Variants in ROBO1 observed in about 807,000 individuals in gnomAD.
ROBO1 encodes the protein roundabout homolog 1.
Under a neutral mutation model 195.9 loss-of-function variants are expected in ROBO1, and 149 were observed. That is an observed-to-expected ratio of 0.76 (90% CI 0.67 to 0.87). ROBO1 has a LOEUF of 0.87. Among genes scored for constraint, ROBO1 ranks in the 40% least tolerant of loss-of-function variants. The pLI is 0.00. For missense variants in ROBO1, 1,933 were observed against 2,068.3 expected (o/e 0.93, Z 1.27); for synonymous variants, 816 against 733.2 (o/e 1.11, Z -1.82).
intron 3 of ROBO1, among the ~76,000 whole-genome samples, chr3:79,036,622 T>C (rs954044225): frequency 6.6e-6 from 1 of 152,084 alleles, no homozygotes; most frequent in African/African-American, 2.4e-5. Flanking sequence ...AATACAAGCA[T>C]AGTAAAATTA....
At chr3:79,070,657 A>G (rs1317715737) in intron 3 of ROBO1, among the ~76,000 whole-genome samples, 3 of 151,712 alleles carry the variant, frequency 2.0e-5, no homozygotes, top group Admixed American at 6.6e-5. Context: ...TGTTTATGTA[A>G]TATGTAACTA....
intron 1 of ROBO1, among the ~76,000 whole-genome samples, chr3:79,637,630 A>T (rs1945534934): frequency 6.6e-6 from 1 of 152,128 alleles, no homozygotes; most frequent in African/African-American, 2.4e-5. Flanking sequence ...TTATCTTCAG[A>T]TGATACGTTT....
chr3:79,092,853 C>G (rs2079504072), intron 3 of ROBO1, among the ~76,000 whole-genome samples: 1 of 152,040 alleles, frequency 6.6e-6, no homozygotes, highest in Admixed American at 6.6e-5. Context: ...ACCAGATTAT[C>G]TTATGTCATA....
intron 2 of ROBO1, among the ~76,000 whole-genome samples, chr3:79,397,024 T>C (rs1575770798): frequency 6.6e-6 from 1 of 152,218 alleles, no homozygotes; most frequent in East Asian, 1.9e-4. Context: ...CTATATTTAG[T>C]CTATCTGTCA....
intron 29 of ROBO1, among the ~76,000 whole-genome samples, 189 bp downstream of exon 29, chr3:78,606,544 G>T (rs1199475459): frequency 6.6e-6 from 1 of 152,116 alleles, no homozygotes; most frequent in Non-Finnish European, 1.5e-5. Context: ...CACCTCTCCA[G>T]GTGATGTTGA....
chr3:79,145,863 T>C (rs1442174052), intron 2 of ROBO1, among the ~76,000 whole-genome samples: 1 of 151,956 alleles, frequency 6.6e-6, no homozygotes, highest in African/African-American at 2.4e-5. Context: ...ATCTTTACAG[T>C]GTTCTTTGAG....
chr3:78,709,629 TG>T (rs1315639269), intron 8 of ROBO1, among the ~76,000 whole-genome samples: 1 of 152,210 alleles, frequency 6.6e-6, no homozygotes, highest in Non-Finnish European at 1.5e-5. Context: ...CAGGTTTTAG[TG>T]GTGCAATTAC....
chr3:79,508,832 T>G (rs1940548690), intron 2 of ROBO1, among the ~76,000 whole-genome samples: 1 of 152,214 alleles, frequency 6.6e-6, no homozygotes, highest in Admixed American at 6.5e-5. Flanking sequence ...TATTCTCTTA[T>G]TCTGTAGACA....
intron 2 of ROBO1, among the ~76,000 whole-genome samples, chr3:79,564,901 A>G (rs1339484317): frequency 6.6e-6 from 1 of 152,122 alleles, no homozygotes; most frequent in African/African-American, 2.4e-5. Context: ...CCTATGAAAT[A>G]CACTTCATTT....
intron 2 of ROBO1, among the ~76,000 whole-genome samples, chr3:79,294,832 A>C (rs2032487988): frequency 6.6e-6 from 1 of 152,198 alleles, no homozygotes; most frequent in Non-Finnish European, 1.5e-5. Context: ...TTATGCGGCC[A>C]ACTAACATGA....
intron 2 of ROBO1, among the ~76,000 whole-genome samples, chr3:79,272,210 G>T (rs2030628213): frequency 6.6e-6 from 1 of 151,956 alleles, no homozygotes; most frequent in Non-Finnish European, 1.5e-5. Context: ...AATGTATAAA[G>T]GTAAAGAAAC....
At chr3:78,728,299 G>GC (rs1382647300) in intron 5 of ROBO1, among the ~76,000 whole-genome samples, 2 of 152,070 alleles carry the variant, frequency 1.3e-5, no homozygotes, top group African/African-American at 4.8e-5. Context: ...TTCATGCTGT[G>GC]CGTTCACAGG....
chr3:78,693,177 C>T, intron 8 of ROBO1: 2 of 777,844 alleles, frequency 2.6e-6, no homozygotes, highest in Non-Finnish European at 4.0e-6. Flanking sequence ...CACAGTTACC[C>T]ATACTTCCTG....
chr3:79,099,195 C>CT (rs1333113645), intron 3 of ROBO1, among the ~76,000 whole-genome samples: 1 of 151,604 alleles, frequency 6.6e-6, no homozygotes, highest in African/African-American at 2.4e-5. Flanking sequence ...GATTGGCTTG[C>CT]TTTTTCAAAA....
Position 78,617,874 on chromosome 3 carries a change from A to C in ROBO1, c.4043T>G (p.Leu1348Ter). 1 of 1,614,004 alleles carries C rather than the reference A, an allele frequency of 6.2e-7. No individual in the cohort carries two copies. The highest frequency in any genetic ancestry group is 8.5e-7 in the Non-Finnish European group (1 of 1,179,900). The change falls in exon 27 of 31, where the codon TTA becomes TGA. Residue 1348 changes from leucine to a stop codon, truncating the protein, a stop_gained. Coordinates refer to ENST00000464233, the MANE Select transcript of ROBO1 (RefSeq NM_002941.4). LOFTEE classifies it high-confidence loss of function. ...GGCAGGTGTCTGCTCAAGCCCACGT[A>C]ACAAAAGCCTTCTGGTTTGCATCTT... is the stretch of plus-strand genomic sequence containing the variant. ...VAKMQTRRLL[L>*]RGLEQTPASS...
intron 2 of ROBO1, among the ~76,000 whole-genome samples, chr3:79,459,192 C>G (rs959084965): frequency 1.3e-5 from 2 of 151,460 alleles, no homozygotes; most frequent in Non-Finnish European, 3.0e-5. Flanking sequence ...TTCAATTTTC[C>G]TCTAAAAATT....
intron 28 of ROBO1, 118 bp from the exon 29 acceptor site, chr3:78,607,159 GA>G: frequency 1.0e-6 from 1 of 992,688 alleles, no homozygotes; most frequent in Non-Finnish European, 1.5e-6. Context: ...AGATGAACTA[GA>G]ATACTTGAAG....
chr3:79,550,186 A>AG (rs373597396), intron 2 of ROBO1, among the ~76,000 whole-genome samples: 1 of 92,772 alleles, frequency 1.1e-5, no homozygotes, highest in Non-Finnish European at 2.0e-5. Context: ...AAAGAAAGAA[A>AG]GAAAGAAAGG....
intron 3 of ROBO1, among the ~76,000 whole-genome samples, chr3:78,984,800 G>C (rs1299263693): frequency 6.6e-6 from 1 of 152,146 alleles, no homozygotes; most frequent in East Asian, 1.9e-4. Context: ...GTATTTAAAA[G>C]GTGTGAATGT....
Sources: allele counts gnomAD v4.1 joint callset (sites outside exome capture counted in the v4.1 genomes callset), GRCh38; gene constraint gnomAD v4.1.1; transcripts MANE v1.5; gene names NCBI Gene and HGNC (gene_info 2026-07-23, HGNC 2026-07-21).